Variants in CSMD1 observed in about 807,000 individuals in gnomAD.
The protein encoded by CSMD1 is CUB and Sushi multiple domains 1.
In CSMD1, 213 loss-of-function variants were observed where a neutral mutation model predicts 417.5. The ratio of observed to expected loss-of-function variants is 0.51; its 90% CI spans 0.46 to 0.57. CSMD1 has a LOEUF of 0.57. CSMD1 is among the 20% of genes least tolerant of loss of function. The probability of loss-of-function intolerance (pLI) is 0.00; values close to 1 mark genes in which losing one functional copy is unlikely to be tolerated. For synonymous variants in CSMD1, 2,862 were observed against 1,736.8 expected (o/e 1.65, Z -16.11); for missense variants, 6,923 against 4,529.7 (o/e 1.53, Z -15.17).
intron 50 of CSMD1, among the ~76,000 whole-genome samples, chr8:3,051,515 G>C (rs1237115917): frequency 6.6e-6 from 1 of 152,112 alleles, no homozygotes; most frequent in Non-Finnish European, 1.5e-5. Flanking sequence ...ACCTGGCTGA[G>C]GAAACTATCT....
intron 2 of CSMD1, among the ~76,000 whole-genome samples, chr8:4,466,742 A>G (rs919313037): frequency 6.6e-6 from 1 of 150,454 alleles, no homozygotes. Flanking sequence ...CATATTTCCA[A>G]TAATACTATA....
chr8:4,263,649 A>G (rs1028247959), intron 3 of CSMD1, among the ~76,000 whole-genome samples: 2 of 152,076 alleles, frequency 1.3e-5, no homozygotes, highest in African/African-American at 4.8e-5. Context: ...CTTAGCAATA[A>G]CTCTATGACC....
At chr8:4,417,224 G>C (rs957162272) in intron 3 of CSMD1, among the ~76,000 whole-genome samples, 3 of 152,016 alleles carry the variant, frequency 2.0e-5, no homozygotes, top group African/African-American at 2.4e-5. Flanking sequence ...TGGATTTCCA[G>C]AGTTAAATTC....
chr8:4,694,789 G>C (rs148119834), intron 1 of CSMD1, among the ~76,000 whole-genome samples: 1 of 152,174 alleles, frequency 6.6e-6, no homozygotes, highest in Non-Finnish European at 1.5e-5. Flanking sequence ...GGGACTGCGC[G>C]TCCTTAACCT....
At chr8:3,211,668 G>C (rs190911737) in intron 30 of CSMD1, among the ~76,000 whole-genome samples, 1 of 152,196 alleles carries the variant, frequency 6.6e-6, no homozygotes, top group East Asian at 1.9e-4. Flanking sequence ...TGACACAGAC[G>C]GGAGGAGGTG....
At chr8:3,233,291 T>C (rs531307794) in intron 26 of CSMD1, among the ~76,000 whole-genome samples, 28 of 152,274 alleles carry the variant, frequency 1.8e-4, no homozygotes, top group African/African-American at 6.7e-4. Context: ...AGGAGGGGAA[T>C]TGGTGACTTT....
chr8:3,295,274 A>C (rs1223897960), intron 25 of CSMD1, among the ~76,000 whole-genome samples: 1 of 151,828 alleles, frequency 6.6e-6, no homozygotes, highest in Non-Finnish European at 1.5e-5. Flanking sequence ...ACAGGTGCCC[A>C]CCACCACACA....
chr8:3,508,944 G>C (rs746582983), intron 10 of CSMD1, among the ~76,000 whole-genome samples: 6 of 152,166 alleles, frequency 3.9e-5, no homozygotes, highest in African/African-American at 1.2e-4. Context: ...AGAACTTAAA[G>C]TCCTCATGCT....
intron 5 of CSMD1, among the ~76,000 whole-genome samples, chr8:3,838,385 C>CTA (rs1389578183): frequency 7.1e-6 from 1 of 141,054 alleles, no homozygotes; most frequent in African/African-American, 2.8e-5. Context: ...TATATACGCA[C>CTA]TATATATATA....
chr8:3,344,425 C>G (rs1285897100), intron 22 of CSMD1, among the ~76,000 whole-genome samples: 3 of 152,156 alleles, frequency 2.0e-5, no homozygotes, highest in Admixed American at 6.5e-5. Flanking sequence ...CAAGCCTGCA[C>G]TTCCTGCACA....
chr8:3,544,660 C>T (rs1798585234), intron 10 of CSMD1, among the ~76,000 whole-genome samples: 1 of 152,156 alleles, frequency 6.6e-6, no homozygotes, highest in Admixed American at 6.5e-5. Flanking sequence ...TTGGCCACCA[C>T]TGCAGACTTG....
intron 1 of CSMD1, among the ~76,000 whole-genome samples, chr8:4,653,010 C>A (rs1300240553): frequency 6.6e-6 from 1 of 152,028 alleles, no homozygotes; most frequent in East Asian, 1.9e-4. Context: ...ACTGTGTGGT[C>A]CGGTTCCTAA....
intron 5 of CSMD1, among the ~76,000 whole-genome samples, chr8:3,866,737 G>A (rs1055531757): frequency 3.3e-5 from 5 of 151,980 alleles, no homozygotes; most frequent in Non-Finnish European, 1.5e-5. Flanking sequence ...AAAGCCACAG[G>A]GATTCTCCTG....
At chr8:4,017,759 CTAAA>C (rs1191328421) in intron 4 of CSMD1, among the ~76,000 whole-genome samples, 1 of 152,014 alleles carries the variant, frequency 6.6e-6, no homozygotes, top group African/African-American at 2.4e-5. Context: ...CTGAAACTTC[CTAAA>C]TAAATGAAGA....
chr8:4,650,666 A>G (rs1428674673), intron 1 of CSMD1, among the ~76,000 whole-genome samples: 1 of 152,094 alleles, frequency 6.6e-6, no homozygotes, highest in East Asian at 1.9e-4. Context: ...TAAAAAAAAA[A>G]AAGATACAGC....
chr8:3,865,526 G>A (rs539902694), intron 5 of CSMD1, among the ~76,000 whole-genome samples: 3 of 152,018 alleles, frequency 2.0e-5, no homozygotes, highest in East Asian at 1.9e-4. Flanking sequence ...AAGAGTTGGG[G>A]GTGGAGGCAA....
intron 1 of CSMD1, among the ~76,000 whole-genome samples, chr8:4,899,111 T>C (rs1002639020): frequency 2.0e-5 from 3 of 152,158 alleles, no homozygotes; most frequent in African/African-American, 7.2e-5. Context: ...AAATCTGAAA[T>C]GGTAATTTGG....
intron 3 of CSMD1, among the ~76,000 whole-genome samples, chr8:4,345,521 CA>C (rs561237460): frequency 1.5e-4 from 23 of 152,036 alleles, no homozygotes; most frequent in Admixed American, 4.6e-4. Flanking sequence ...AGTGAAGAGA[CA>C]ACATGCAGAA....
chr8:4,226,481 T>G (rs1407813543), intron 3 of CSMD1, among the ~76,000 whole-genome samples: 5 of 152,160 alleles, frequency 3.3e-5, no homozygotes, highest in Admixed American at 3.3e-4. Context: ...TTTAGAAATT[T>G]TACAGGACTT....
Sources: allele counts gnomAD v4.1 joint callset (sites outside exome capture counted in the v4.1 genomes callset), GRCh38; gene constraint gnomAD v4.1.1; transcripts MANE v1.5; gene names NCBI Gene and HGNC (gene_info 2026-07-23, HGNC 2026-07-21).